KIAA2012: variants seen among roughly 807,000 people sequenced by gnomAD.
KIAA2012 encodes the protein KIAA2012.
KIAA2012 carries 125 observed loss-of-function variants against 150.6 expected under a neutral mutation model. That is an observed-to-expected ratio of 0.83 (90% confidence interval 0.72 to 0.96). KIAA2012 has a LOEUF of 0.96. Ranked by LOEUF, KIAA2012 falls within the 40% of genes least tolerant of loss-of-function variation. The probability of loss-of-function intolerance (pLI) is 0.00; values close to 1 mark genes in which losing one functional copy is unlikely to be tolerated. For synonymous variants in KIAA2012, 462 were observed against 504.7 expected, an observed-to-expected ratio of 0.92 and a Z score of 1.13; for missense variants, 1,219 against 1,354.9, an observed-to-expected ratio of 0.90 and a Z score of 1.57.
At chr2:202,149,888 C>G (rs1366556222) in intron 13 of KIAA2012, among the ~76,000 whole-genome samples, 1 of 152,192 alleles carries the variant, frequency 6.6e-6, no homozygotes, top group Non-Finnish European at 1.5e-5. Flanking sequence ...AGAAGGATTT[C>G]TCCCTGGGTC....
chr2:202,179,963 G>C (rs1466904244), intron 15 of KIAA2012: 3 of 728,084 alleles, frequency 4.1e-6, no homozygotes, highest in African/African-American at 1.8e-5. Flanking sequence ...TACTCCAACT[G>C]AAGTTAAGAT....
intron 14 of KIAA2012, among the ~76,000 whole-genome samples, chr2:202,163,304 A>T (rs1691695107): frequency 6.6e-6 from 1 of 151,702 alleles, no homozygotes; most frequent in African/African-American, 2.4e-5. Flanking sequence ...GGTTTTGATC[A>T]TGTTGGCCAG....
Position 202,105,811 on chromosome 2 carries a change from G to C in KIAA2012, c.1375G>C (p.Val459Leu). ...EPESSEESTPVWRPPLKHASL... is the reference protein window; with the variant it reads ...EPESSEESTPLWRPPLKHASL... ...AGAAAGCAGCGAAGAATCCACACCT[G>C]TGTGGAGACCTCCCCTGAAGCATGC... The change falls in exon 9 of 24, where the codon GTG (valine) becomes CTG (leucine). Residue 459 changes from valine to leucine, a missense_variant. Physicochemically the swap from Val to Leu is conservative, Grantham distance 32. Transcript: ENST00000498697. 6.4e-7 allele frequency: 1 copy of C among 1,550,666 alleles called. No individual in the cohort carries two copies. Among genetic ancestry groups the C allele is most frequent in the South Asian group, 1.2e-5 (1 of 84,066 alleles).
At chr2:202,155,456 C>G (rs987983228) in intron 14 of KIAA2012, among the ~76,000 whole-genome samples, 1 of 152,168 alleles carries the variant, frequency 6.6e-6, no homozygotes, top group African/African-American at 2.4e-5. Context: ...CGCACACTCT[C>G]TGGTTTAGGG....
At chr2:202,143,595 C>A (rs567368676) in intron 13 of KIAA2012, among the ~76,000 whole-genome samples, 1 of 148,260 alleles carries the variant, frequency 6.7e-6, no homozygotes, top group Non-Finnish European at 1.5e-5. Context: ...TAAATTCTAC[C>A]TATAAGGAAA....
At chr2:202,190,744 T>C (rs965060803) in intron 19 of KIAA2012, among the ~76,000 whole-genome samples, 2 of 152,132 alleles carry the variant, frequency 1.3e-5, no homozygotes, top group Non-Finnish European at 2.9e-5. Flanking sequence ...AGGGCAAGTA[T>C]CCACCCTTTA....
Position 202,170,577 on chromosome 2 carries a change from G to A in KIAA2012, c.2119+5221G>A, listed in dbSNP as rs186360661. On this transcript the variant is annotated intron_variant, in intron 15 of 23. Coordinates refer to ENST00000498697, the MANE Select transcript of KIAA2012 (RefSeq NM_001277372.4). ...AAACACACTCCTTACTGCAGCTCCC[G>A]CTTTGGTGGAGGAAACAGATATGTG... is the stretch of plus-strand genomic sequence containing the variant. Among the ~76,000 whole-genome samples the A allele has an allele frequency of 2.4e-3, 367 of 152,294 alleles. 1 individual carries two copies. The highest frequency in any genetic ancestry group is 3.9e-3 in the Admixed American group (60 of 15,294).
intron 14 of KIAA2012, among the ~76,000 whole-genome samples, chr2:202,159,082 C>T (rs915975974): frequency 3.9e-5 from 6 of 152,162 alleles, no homozygotes; most frequent in Admixed American, 3.9e-4. Flanking sequence ...AGACCAGTCC[C>T]AAGCATTACG....
intron 13 of KIAA2012, among the ~76,000 whole-genome samples, chr2:202,148,314 T>C (rs1466484492): frequency 6.6e-6 from 1 of 152,190 alleles, no homozygotes; most frequent in Non-Finnish European, 1.5e-5. Context: ...TTGCTAGCTG[T>C]TCGGCTAATT....
chr2:202,175,369 T>C (rs1574306842), intron 15 of KIAA2012, among the ~76,000 whole-genome samples: 1 of 152,358 alleles, frequency 6.6e-6, no homozygotes, highest in Non-Finnish European at 1.5e-5. Flanking sequence ...TAGCTGATAT[T>C]AAAATTCATA....
At chr2:202,143,489 T>C (rs1394688001) in intron 13 of KIAA2012, among the ~76,000 whole-genome samples, 2 of 150,270 alleles carry the variant, frequency 1.3e-5, no homozygotes, top group African/African-American at 2.5e-5. Flanking sequence ...AAATAATGCA[T>C]GAAAAAAGTG....
chr2:202,096,656 C>A (rs1375068773), intron 4 of KIAA2012, among the ~76,000 whole-genome samples: 1 of 152,194 alleles, frequency 6.6e-6, no homozygotes, highest in Non-Finnish European at 1.5e-5. Flanking sequence ...AGGCCCGAAG[C>A]CTTCCAGAGC....
At chr2:202,099,542 G>A (rs546870199) in intron 5 of KIAA2012, 71 bp from the exon 6 acceptor site, 2 of 1,250,360 alleles carry the variant, frequency 1.6e-6, no homozygotes, top group Non-Finnish European at 2.2e-6. Context: ...AGCCACAAGG[G>A]CTGTTAAAGA....
At chr2:202,177,554 C>T (rs1368109313) in intron 15 of KIAA2012, among the ~76,000 whole-genome samples, 1 of 152,240 alleles carries the variant, frequency 6.6e-6, no homozygotes, top group African/African-American at 2.4e-5. Flanking sequence ...TTCCCACAAG[C>T]CCTTTTTCTT....
chr2:202,166,662 A>C (rs2105724233), intron 15 of KIAA2012, among the ~76,000 whole-genome samples: 1 of 132,524 alleles, frequency 7.5e-6, no homozygotes, highest in African/African-American at 2.7e-5. Context: ...GTCTCCAAAA[A>C]AAAACAAAAA....
chr2:202,084,264 C>A (rs1055071041), intron 2 of KIAA2012, among the ~76,000 whole-genome samples: 2 of 152,116 alleles, frequency 1.3e-5, no homozygotes, highest in Non-Finnish European at 2.9e-5. Context: ...CTCCCTGCCA[C>A]CCCATATCTG....
intron 12 of KIAA2012, chr2:202,125,813 A>T (rs1220000704): frequency 2.2e-6 from 1 of 445,472 alleles, no homozygotes; most frequent in African/African-American, 2.0e-5. Flanking sequence ...TTTGTAGCTC[A>T]TCCTCCACCC....
intron 20 of KIAA2012, 29 bp from the exon 21 acceptor site, chr2:202,194,161 A>T (rs923577996): frequency 5.2e-6 from 8 of 1,549,350 alleles, no homozygotes; most frequent in African/African-American, 1.4e-5. Context: ...GTTTTCTGCC[A>T]TTTCCCTGAC....
At chr2:202,163,733 ATC>A (rs1691703097) in intron 14 of KIAA2012, among the ~76,000 whole-genome samples, 1 of 149,090 alleles carries the variant, frequency 6.7e-6, no homozygotes, top group African/African-American at 2.5e-5. Context: ...AACCAGGGAT[ATC>A]TAGTCTTCTA....
Sources: allele counts gnomAD v4.1 joint callset (sites outside exome capture counted in the v4.1 genomes callset), GRCh38; gene constraint gnomAD v4.1.1; transcripts MANE v1.5; gene names NCBI Gene and HGNC (gene_info 2026-07-23, HGNC 2026-07-21).